LRMDA: variants seen among roughly 807,000 people sequenced by gnomAD.
The protein encoded by LRMDA is leucine-rich melanocyte differentiation-associated protein.
LRMDA carries 18 observed loss-of-function variants against 29.8 expected under a neutral mutation model. The ratio of observed to expected loss-of-function variants is 0.60; its 90% CI spans 0.42 to 0.90. The LOEUF (loss-of-function observed/expected upper bound fraction) is 0.90. Ranked by LOEUF, LRMDA falls within the 40% of genes least tolerant of loss-of-function variation. LRMDA has a pLI of 0.00. For missense variants in LRMDA, 273 were observed against 273.9 expected (o/e 1.00, Z 0.02); for synonymous variants, 125 against 109.4 (o/e 1.14, Z -0.89).
intron 2 of LRMDA, among the ~76,000 whole-genome samples, chr10:75,987,381 A>T (rs569834736): frequency 6.8e-4 from 103 of 152,314 alleles, no homozygotes; most frequent in Non-Finnish European, 1.2e-3. Flanking sequence ...CAGGTTACTT[A>T]TCAGTGTCCC....
intron 6 of LRMDA, among the ~76,000 whole-genome samples, chr10:76,428,587 C>T (rs577818444): frequency 2.0e-5 from 3 of 152,236 alleles, no homozygotes; most frequent in African/African-American, 4.8e-5. Context: ...CTTGGATACT[C>T]CTTTCTTGTG....
At chr10:75,833,283 A>G (rs1463785113) in intron 2 of LRMDA, among the ~76,000 whole-genome samples, 2 of 152,170 alleles carry the variant, frequency 1.3e-5, no homozygotes, top group East Asian at 3.9e-4. Context: ...TATTGCAACC[A>G]CGTATTAAAG....
rs115640943 is a variant in LRMDA, at chr10:75,991,711, T to C, written c.132-44297T>C. Reference sequence around the variant, plus strand: ...GGAAGTAGTGATGTTGTGTCTCACATCCTCTCATAGTTTTTGTTTGTTTGT... The same window carrying C: ...GGAAGTAGTGATGTTGTGTCTCACACCCTCTCATAGTTTTTGTTTGTTTGT... On this transcript the variant is annotated intron_variant, in intron 2 of 6. Transcript: ENST00000611255. Among the ~76,000 whole-genome samples, 814 of 152,328 alleles carry C rather than the reference T, an allele frequency of 5.3e-3. 12 individuals are homozygous for C. Among genetic ancestry groups the C allele is most frequent in the African/African-American group, 0.019 (778 of 41,572 alleles).
chr10:75,827,831 C>T (rs928544701), intron 2 of LRMDA, among the ~76,000 whole-genome samples: 2 of 152,170 alleles, frequency 1.3e-5, no homozygotes, highest in African/African-American at 4.8e-5. Context: ...GCTGTGGCTT[C>T]ATATGAGGTC....
intron 6 of LRMDA, among the ~76,000 whole-genome samples, chr10:76,491,639 A>G (rs1217334548): frequency 6.6e-6 from 1 of 151,874 alleles, no homozygotes; most frequent in African/African-American, 2.4e-5. Flanking sequence ...TGATTATTAA[A>G]TGTCTTGAGG....
intron 6 of LRMDA, among the ~76,000 whole-genome samples, chr10:76,442,353 T>A (rs1842312399): frequency 6.6e-6 from 1 of 152,148 alleles, no homozygotes; most frequent in Admixed American, 6.6e-5. Context: ...CAACCTTGCT[T>A]CTCCTCTCAG....
chr10:76,169,421 C>T (rs750040138), intron 5 of LRMDA, among the ~76,000 whole-genome samples: 4 of 152,154 alleles, frequency 2.6e-5, no homozygotes, highest in Admixed American at 2.0e-4. Flanking sequence ...TGCTGCCTCT[C>T]GTGTTGGATC....
At chr10:75,617,285 C>T (rs1015529627) in intron 2 of LRMDA, among the ~76,000 whole-genome samples, 139 of 152,096 alleles carry the variant, frequency 9.1e-4, no homozygotes, top group African/African-American at 2.9e-3. Flanking sequence ...CACATAGGGA[C>T]GGCTGCCAAG....
At chr10:76,267,294 A>G (rs1840018517) in intron 5 of LRMDA, among the ~76,000 whole-genome samples, 1 of 152,152 alleles carries the variant, frequency 6.6e-6, no homozygotes, top group Non-Finnish European at 1.5e-5. Context: ...TTTTTGACAT[A>G]TTACACTACA....
At chr10:76,107,133 C>G (rs1159976859) in intron 5 of LRMDA, among the ~76,000 whole-genome samples, 1 of 152,174 alleles carries the variant, frequency 6.6e-6, no homozygotes, top group Non-Finnish European at 1.5e-5. Flanking sequence ...CATGGCTGAT[C>G]AGTTGCTCTG....
chr10:76,137,772 C>CAAAAA (rs36038656), intron 5 of LRMDA, among the ~76,000 whole-genome samples: 1 of 122,178 alleles, frequency 8.2e-6, no homozygotes, highest in African/African-American at 3.1e-5. Flanking sequence ...GTCCCTATGG[C>CAAAAA]AAAAAAAAAA....
At chr10:76,086,541 C>T (rs937898848) in intron 5 of LRMDA, among the ~76,000 whole-genome samples, 1 of 152,110 alleles carries the variant, frequency 6.6e-6, no homozygotes, top group African/African-American at 2.4e-5. Flanking sequence ...AGTAAGTGGC[C>T]AAGTTTAAAG....
intron 6 of LRMDA, among the ~76,000 whole-genome samples, chr10:76,351,211 T>C (rs996560984): frequency 2.6e-5 from 4 of 152,148 alleles, no homozygotes; most frequent in Admixed American, 2.6e-4. Flanking sequence ...CTCCACGCAT[T>C]GACTCCGAAA....
intron 3 of LRMDA, among the ~76,000 whole-genome samples, chr10:76,040,637 A>AG (rs1341420675): frequency 6.6e-6 from 1 of 152,050 alleles, no homozygotes; most frequent in Non-Finnish European, 1.5e-5. Context: ...TTCCACCAGG[A>AG]GGGGTGGGAT....
At chr10:75,972,513 T>C (rs1846993750) in intron 2 of LRMDA, among the ~76,000 whole-genome samples, 1 of 152,206 alleles carries the variant, frequency 6.6e-6, no homozygotes, top group African/African-American at 2.4e-5. Flanking sequence ...TCTCTGCAAC[T>C]GTGACAGGAT....
At chr10:76,177,399 GAC>G (rs1182082564) in intron 5 of LRMDA, among the ~76,000 whole-genome samples, 1 of 139,582 alleles carries the variant, frequency 7.2e-6, no homozygotes, top group Non-Finnish European at 1.5e-5. Flanking sequence ...GGTTAAAAAA[GAC>G]AAAAAAAAAA....
intron 2 of LRMDA, among the ~76,000 whole-genome samples, chr10:75,823,685 AGTGTGTGTGTGTGTGTGTGTGT>A (rs141426887): frequency 1.7e-4 from 24 of 144,178 alleles, no homozygotes; most frequent in Admixed American, 1.4e-3. Context: ...ATTAAAATGT[AGTGTGTGTGTGTGTGTGTGTGT>A]GTGTGTGTGT....
chr10:76,348,197 A>C (rs2132428569), intron 6 of LRMDA, among the ~76,000 whole-genome samples: 1 of 152,254 alleles, frequency 6.6e-6, no homozygotes, highest in African/African-American at 2.4e-5. Context: ...ATCCCCTCAA[A>C]TCAGGCTTCT....
At chr10:75,811,586 CA>C (rs1184161380) in intron 2 of LRMDA, among the ~76,000 whole-genome samples, 2 of 152,184 alleles carry the variant, frequency 1.3e-5, no homozygotes, top group African/African-American at 4.8e-5. Context: ...GTTACTTCAA[CA>C]ATCAGTTAAT....
Sources: allele counts gnomAD v4.1 joint callset (sites outside exome capture counted in the v4.1 genomes callset), GRCh38; gene constraint gnomAD v4.1.1; transcripts MANE v1.5; gene names NCBI Gene and HGNC (gene_info 2026-07-23, HGNC 2026-07-21).